Variants in ALOX5 observed in about 807,000 individuals in gnomAD.
ALOX5 encodes the protein arachidonate 5-lipoxygenase.
ALOX5 carries 64 observed loss-of-function variants against 87.9 expected under a neutral mutation model. The ratio of observed to expected loss-of-function variants is 0.73; its 90% CI spans 0.60 to 0.90. The LOEUF (loss-of-function observed/expected upper bound fraction) is 0.90, where lower values mean the gene tolerates loss of function less well. ALOX5 is among the 40% of genes least tolerant of loss of function. ALOX5 has a pLI of 0.00. For missense variants in ALOX5, 822 were observed against 907.5 expected (o/e 0.91, Z 1.21); for synonymous variants, 388 against 355.1 (o/e 1.09, Z -1.04).
chr10:45,445,371 G>A, intron 13 of ALOX5, 137 bp from the exon 14 acceptor site: 3 of 1,058,048 alleles, frequency 2.8e-6, no homozygotes, highest in Non-Finnish European at 4.1e-6. Context: ...AGGCAGCAGA[G>A]GGTGAATATG....
At chr10:45,432,194 A>G (rs1841926649) in intron 7 of ALOX5, among the ~76,000 whole-genome samples, 1 of 151,826 alleles carries the variant, frequency 6.6e-6, no homozygotes, top group South Asian at 2.1e-4. Context: ...TCTTAAAAAA[A>G]AAAAAAATTA....
chr10:45,443,788 T>A lies in ALOX5; in HGVS notation c.1634T>A (p.Phe545Tyr). ...QLSEYLTVVIFTASAQHAAVN... is the reference protein window; with the variant it reads ...QLSEYLTVVIYTASAQHAAVN... ...TCGGAGTACCTGACCGTGGTGATCT[T>A]CACCGCCTCCGCCCAGCACGCCGCG... is the stretch of plus-strand genomic sequence containing the variant. Residue 545 changes from phenylalanine (F) to tyrosine (Y), a missense_variant, in exon 12 of 14, where the codon TTC becomes TAC. Transcript: ENST00000374391. 1 of 1,611,832 alleles carries A rather than the reference T, an allele frequency of 6.2e-7. No homozygotes were observed. Among genetic ancestry groups the A allele is most frequent in the Non-Finnish European group, 8.5e-7 (1 of 1,179,252 alleles).
intron 3 of ALOX5, among the ~76,000 whole-genome samples, chr10:45,409,552 GCTTTCTCTC>G (rs1840995435): frequency 2.2e-5 from 2 of 92,920 alleles, no homozygotes; most frequent in African/African-American, 3.8e-5. Context: ...TGTCTCTCTT[GCTTTCTCTC>G]TCTCTCTTTC....
intron 3 of ALOX5, among the ~76,000 whole-genome samples, chr10:45,398,626 T>TCCAG (rs1840596107): frequency 6.6e-6 from 1 of 152,196 alleles, no homozygotes; most frequent in African/African-American, 2.4e-5. Flanking sequence ...CTTCCATCCA[T>TCCAG]AATTTATAAA....
At chr10:45,424,699 T>C (rs1033680415) in intron 5 of ALOX5, among the ~76,000 whole-genome samples, 1 of 152,206 alleles carries the variant, frequency 6.6e-6, no homozygotes, top group Non-Finnish European at 1.5e-5. Context: ...TCTTCCATCC[T>C]GGACACTCCA....
chr10:45,430,828 A>G (rs1482776815), intron 7 of ALOX5, among the ~76,000 whole-genome samples: 2 of 152,186 alleles, frequency 1.3e-5, no homozygotes, highest in Admixed American at 1.3e-4. Flanking sequence ...CCCAGCCACT[A>G]GACAGCTGAC....
intron 1 of ALOX5, among the ~76,000 whole-genome samples, chr10:45,379,443 C>G (rs1330400765): frequency 6.6e-6 from 1 of 152,244 alleles, no homozygotes; most frequent in Non-Finnish European, 1.5e-5. Flanking sequence ...CACTCTCCCT[C>G]TGTCCTCACA....
chr10:45,391,581 G>C (rs1840257454), intron 2 of ALOX5, among the ~76,000 whole-genome samples: 1 of 151,010 alleles, frequency 6.6e-6, no homozygotes, highest in African/African-American at 2.4e-5. Context: ...GAGCCCCTCT[G>C]CCTGGCTGCC....
At chr10:45,419,546 A>G (rs537187043) in intron 4 of ALOX5, among the ~76,000 whole-genome samples, 57 of 152,210 alleles carry the variant, frequency 3.7e-4, no homozygotes, top group Non-Finnish European at 5.3e-4. Flanking sequence ...CCCGTGCTCC[A>G]GACGACCCAG....
rs1354352234 is a variant in ALOX5 at position 45,443,981 on chromosome 10, C to T, written c.1675-135C>T. 2.8e-6 allele frequency: 4 copies of T among 1,433,408 alleles called. No individual in the cohort carries two copies. In the African/African-American group the frequency reaches 5.7e-5, roughly 21 times the overall value. The allele number at this position is 1,433,408 out of a possible 1,614,324, so 88.8% of individuals were successfully genotyped here. A position where few individuals can be genotyped will look rare whatever the true frequency, so the allele number is the denominator to read the frequency against. ...GATTCTGCCCGCTCAGCCAAGGGCG[C>T]TGGCCGCGGGGAAAGAGGATGGACG... is the stretch of plus-strand genomic sequence containing the variant. On this transcript the variant is annotated intron_variant, in intron 12 of 13. Transcript: ENST00000374391.
intron 2 of ALOX5, among the ~76,000 whole-genome samples, chr10:45,394,911 A>G (rs1043703350): frequency 4.6e-5 from 7 of 152,226 alleles, no homozygotes; most frequent in Non-Finnish European, 7.3e-5. Flanking sequence ...ATGATATACC[A>G]TCTCACACCA....
rs775594213 is a variant in ALOX5, at chr10:45,395,884, A to G, written c.379A>G (p.Ile127Val). 6 of 1,614,112 alleles carry G rather than the reference A, an allele frequency of 3.7e-6. No homozygotes were observed. Among genetic ancestry groups the G allele is most frequent in the Non-Finnish European group, 5.1e-6 (6 of 1,180,042 alleles). Residue 127 changes from isoleucine to valine, a missense_variant, in exon 3 of 14, where the codon ATT (isoleucine) becomes GTT (valine). Coordinates refer to ENST00000374391, the MANE Select transcript of ALOX5 (RefSeq NM_000698.5). Reference sequence around the variant, plus strand: ...GTTGGCCCGAGATGACCAAATTCACATTCTCAAGCAACACCGACGTAAAGA... The same window carrying G: ...GTTGGCCCGAGATGACCAAATTCACGTTCTCAAGCAACACCGACGTAAAGA... ...AKLARDDQIH[I>V]LKQHRRKELE...
chr10:45,443,865 C>G (rs931077696), intron 12 of ALOX5, 37 bp downstream of exon 12: 2 of 1,556,330 alleles, frequency 1.3e-6, no homozygotes, highest in African/African-American at 2.7e-5. Flanking sequence ...GGGCTCCCTT[C>G]TCAAGGCCGC....
intron 3 of ALOX5, among the ~76,000 whole-genome samples, chr10:45,397,948 T>C (rs553686265): frequency 3.3e-5 from 5 of 152,314 alleles, no homozygotes; most frequent in Non-Finnish European, 2.9e-5. Flanking sequence ...ACAACCCTTA[T>C]CAAAATTCTA....
At chr10:45,389,812 C>G (rs1028883510) in intron 2 of ALOX5, among the ~76,000 whole-genome samples, 1 of 152,162 alleles carries the variant, frequency 6.6e-6, no homozygotes, top group Non-Finnish European at 1.5e-5. Context: ...CATCTAACAT[C>G]GTAAAGACAA....
At chr10:45,386,427 C>T (rs1227590838) in intron 2 of ALOX5, among the ~76,000 whole-genome samples, 1 of 151,904 alleles carries the variant, frequency 6.6e-6, no homozygotes, top group Non-Finnish European at 1.5e-5. Context: ...GATCATGCCA[C>T]TGCACTCTAG....
intron 4 of ALOX5, among the ~76,000 whole-genome samples, chr10:45,421,221 C>A (rs534100650): frequency 3.7e-4 from 57 of 152,380 alleles, no homozygotes; most frequent in African/African-American, 9.4e-4. Flanking sequence ...TTCCTCCTAA[C>A]TCCACTTCTT....
At chr10:45,406,045 G>C (rs1367626007) in intron 3 of ALOX5, among the ~76,000 whole-genome samples, 2 of 152,172 alleles carry the variant, frequency 1.3e-5, no homozygotes, top group Non-Finnish European at 2.9e-5. Context: ...GCATAGGATG[G>C]CAGTCATGAG....
chr10:45,400,657 A>G (rs943278604), intron 3 of ALOX5, among the ~76,000 whole-genome samples: 3 of 152,182 alleles, frequency 2.0e-5, no homozygotes, highest in African/African-American at 7.2e-5. Flanking sequence ...CACTGAATGA[A>G]CTTCAAAAAT....
Sources: allele counts gnomAD v4.1 joint callset (sites outside exome capture counted in the v4.1 genomes callset), GRCh38; gene constraint gnomAD v4.1.1; transcripts MANE v1.5; gene names NCBI Gene and HGNC (gene_info 2026-07-23, HGNC 2026-07-21).